TRHDE: variants seen among roughly 807,000 people sequenced by gnomAD.
The protein encoded by TRHDE is thyrotropin-releasing hormone-degrading ectoenzyme.
TRHDE carries 72 observed loss-of-function variants against 125.7 expected under a neutral mutation model. The observed-to-expected ratio is 0.57, with a 90% CI of 0.47 to 0.70. TRHDE has a LOEUF of 0.70. Among genes scored for constraint, TRHDE ranks in the 30% least tolerant of loss-of-function variants. The pLI, the probability that TRHDE is intolerant of heterozygous loss-of-function variation, is 0.00. For synonymous variants in TRHDE, 509 were observed against 509.1 expected (o/e 1.00, Z 0.00); for missense variants, 1,110 against 1,327.1 (o/e 0.84, Z 2.54).
At chr12:72,422,578 A>C (rs770001449) in intron 3 of TRHDE, among the ~76,000 whole-genome samples, 1 of 152,184 alleles carries the variant, frequency 6.6e-6, no homozygotes, top group Non-Finnish European at 1.5e-5. Flanking sequence ...AAGAATACAG[A>C]ATGCTTTCAT....
chr12:72,598,964 ATAAG>A lies in TRHDE; in HGVS notation c.2322-19922_2322-19919del, dbSNP rs1402879303. ...AGTACCTATTGTTTAGCTCCCACTT[ATAAG>A]TAAGAAAATGCGGTATTTCCTTTTC... is the stretch of plus-strand genomic sequence containing the variant. On this transcript the variant is annotated intron_variant, in intron 12 of 18. Transcript: ENST00000261180. Among the ~76,000 whole-genome samples the A allele has an allele frequency of 3.3e-5, 5 of 152,100 alleles. No individual in the cohort carries two copies. In the East Asian group the frequency reaches 9.6e-4, roughly 29 times the overall value.
At chr12:72,398,146 C>T (rs1029889446) in intron 3 of TRHDE, among the ~76,000 whole-genome samples, 6 of 151,958 alleles carry the variant, frequency 3.9e-5, no homozygotes, top group Middle Eastern at 3.2e-3. Context: ...ATCCATGTCC[C>T]TACAAAGGAC....
Position 72,469,866 on chromosome 12 carries a change from A to C in TRHDE, c.1424A>C (p.Tyr475Ser). The change falls in exon 4 of 19, where the codon TAT becomes TCT. Residue 475 changes from tyrosine to serine, a missense_variant. Around this residue, in one of 5 missense-constraint regions of TRHDE, gnomAD observed 252 missense variants for 274.8 expected, o/e 0.92. Transcript: ENST00000261180. ...LLDPSVSSISYLLDVTMVIVH... is the reference protein window; with the variant it reads ...LLDPSVSSISSLLDVTMVIVH... The stretch of plus-strand genomic sequence containing the variant: ...GATCCCAGTGTTTCATCTATTTCTT[A>C]TTTGCTGGATGTCACCATGGTCATT... 6.2e-7 allele frequency: 1 copy of C among 1,614,022 alleles called. No homozygotes were observed. Among genetic ancestry groups the C allele is most frequent in the Admixed American group, 1.7e-5 (1 of 60,006 alleles).
At position 72,315,355 on chromosome 12, in the gene TRHDE, G is replaced by A. The variant is rs758400311; in HGVS notation, c.1188+28401G>A. ...GATAGGTCTTATACAAGTTCCTCAA[G>A]GTGGCAATATTTTATGGAACAAGTA... On this transcript the variant is annotated intron_variant, in intron 2 of 18. Transcript: ENST00000261180. Among the ~76,000 whole-genome samples, 73 of 150,552 alleles carry A rather than the reference G, an allele frequency of 4.8e-4. 1 individual carries two copies. The highest frequency in any genetic ancestry group is 7.0e-4 in the Non-Finnish European group (47 of 67,616).
At chr12:72,319,232 T>C (rs1191585456) in intron 2 of TRHDE, among the ~76,000 whole-genome samples, 1 of 152,166 alleles carries the variant, frequency 6.6e-6, no homozygotes, top group African/African-American at 2.4e-5. Flanking sequence ...CTTTCTGATG[T>C]CTCATAGAGG....
intron 7 of TRHDE, 77 bp from the exon 8 acceptor site, chr12:72,562,088 T>C: frequency 1.6e-6 from 1 of 627,572 alleles, no homozygotes; most frequent in Non-Finnish European, 2.8e-6. Context: ...AAATGAAAAT[T>C]ATTAATTGAG....
chr12:72,092,733 A>C (rs1018871778), intron 1 of TRHDE, among the ~76,000 whole-genome samples: 3 of 152,244 alleles, frequency 2.0e-5, no homozygotes, highest in Admixed American at 2.0e-4. Context: ...GTTCCATCCA[A>C]AATGCATGTA....
chr12:72,608,038 T>C (rs1211853770), intron 12 of TRHDE, among the ~76,000 whole-genome samples: 1 of 152,166 alleles, frequency 6.6e-6, no homozygotes, highest in Non-Finnish European at 1.5e-5. Context: ...GCCTCATATA[T>C]GTATTGATAC....
At chr12:72,268,840 C>T (rs1879127970), upstream of TRHDE, among the ~76,000 whole-genome samples, 1 of 152,010 alleles carries the variant, frequency 6.6e-6, no homozygotes, top group South Asian at 2.1e-4. Flanking sequence ...CTTTTACAAG[C>T]CCCTGAATCA....
intron 12 of TRHDE, among the ~76,000 whole-genome samples, chr12:72,597,493 C>A (rs1592562426): frequency 1.3e-5 from 2 of 151,246 alleles, no homozygotes; most frequent in East Asian, 2.0e-4. Context: ...CATGGTGAAA[C>A]CCTGTCTCTG....
At chr12:72,512,407 AT>A (rs1303778273) in intron 6 of TRHDE, among the ~76,000 whole-genome samples, 17 of 130,306 alleles carry the variant, frequency 1.3e-4, no homozygotes, top group Admixed American at 5.9e-4. Context: ...TTATTATATA[AT>A]TATAACTATA....
At chr12:72,329,487 A>G (rs1565700785) in intron 2 of TRHDE, among the ~76,000 whole-genome samples, 1 of 152,212 alleles carries the variant, frequency 6.6e-6, no homozygotes, top group Non-Finnish European at 1.5e-5. Context: ...GTAATGCAAT[A>G]GCTTTTCTTA....
At chr12:72,531,728 G>T (rs1261464364) in intron 6 of TRHDE, among the ~76,000 whole-genome samples, 1 of 151,900 alleles carries the variant, frequency 6.6e-6, no homozygotes, top group Non-Finnish European at 1.5e-5. Context: ...TGAATTCCCT[G>T]CTCTTATTCT....
chr12:72,273,464 G>A lies in TRHDE; in HGVS notation c.821G>A (p.Arg274Lys). 6.2e-7 allele frequency: 1 copy of A among 1,613,950 alleles called. No homozygotes were observed. Among genetic ancestry groups the A allele is most frequent in the Non-Finnish European group, 8.5e-7 (1 of 1,180,030 alleles). Residue 274 changes from arginine (R) to lysine (K), a missense_variant, in exon 1 of 19, where the codon AGG becomes AAG. This residue lies in a region of TRHDE where 252 missense variants were observed against 274.8 expected (regional missense o/e 0.92). Coordinates refer to ENST00000261180, the MANE Select transcript of TRHDE (RefSeq NM_013381.3). This position sits in a 1 kb window ranked among gnomAD's most constrained non-coding sequence, Gnocchi z 5.3. ...CTGAATAGGACACTGGACGCGCAGAGGAATTACAATCTGAAGATTATCTAC... is the reference window on the plus strand; with the variant it reads ...CTGAATAGGACACTGGACGCGCAGAAGAATTACAATCTGAAGATTATCTAC... ...VVLNRTLDAQ[R>K]NYNLKIIYNA...
chr12:72,457,435 A>G (rs1225349633), intron 3 of TRHDE, among the ~76,000 whole-genome samples: 1 of 152,080 alleles, frequency 6.6e-6, no homozygotes, highest in Non-Finnish European at 1.5e-5. Flanking sequence ...GAATTTCAGT[A>G]TCTCCTGTTT....
intron 2 of TRHDE, among the ~76,000 whole-genome samples, chr12:72,160,303 G>A (rs1876606839): frequency 6.6e-6 from 1 of 152,102 alleles, no homozygotes; most frequent in South Asian, 2.1e-4. Flanking sequence ...GCATCTTCTG[G>A]CACTTACTAG....
At position 72,589,126 on chromosome 12, in the gene TRHDE, A is replaced by C. The variant is rs962307182; in HGVS notation, c.2321+13584A>C. On this transcript the variant is annotated intron_variant, in intron 12 of 18. Transcript: ENST00000261180. ...GATATCACCTGGTAAGGATCAAGAG[A>C]TGCCCAGAGCACCCTGGTAGCCTCT... Among the ~76,000 whole-genome samples the C allele has an allele frequency of 2.6e-5, 4 of 152,118 alleles. No individual in the cohort carries two copies. The East Asian group carries it at 5.8e-4, about 22-fold the overall frequency.
chr12:72,334,487 C>T (rs34345694), intron 2 of TRHDE, among the ~76,000 whole-genome samples: 50 of 152,232 alleles, frequency 3.3e-4, no homozygotes, highest in African/African-American at 1.1e-3. Context: ...GAAGGGGAGC[C>T]GGATATGGGT....
At chr12:72,295,484 G>A (rs1444797867) in intron 2 of TRHDE, among the ~76,000 whole-genome samples, 1 of 152,052 alleles carries the variant, frequency 6.6e-6, no homozygotes. Flanking sequence ...AAGGGATGCT[G>A]GGCAAAAAAC....
Sources: gnomAD v4.1 joint callset for allele counts (sites outside exome capture counted in the v4.1 genomes callset) on GRCh38, gnomAD v4.1.1 for gene constraint, gnomAD v4.1.1 regional missense constraint, Gnocchi (gnomAD v3.1) non-coding constraint, MANE v1.5 for transcripts, NCBI Gene and HGNC (gene_info 2026-07-23, HGNC 2026-07-21) for gene names.